HDAC9: variants seen among roughly 807,000 people sequenced by gnomAD.
HDAC9 encodes the protein MEF-2 interacting transcription repressor (MITR) protein.
In HDAC9, 41 loss-of-function variants were observed where a neutral mutation model predicts 139.4. The ratio of observed to expected loss-of-function variants is 0.29; its 90% CI spans 0.23 to 0.38. The LOEUF (loss-of-function observed/expected upper bound fraction) is 0.38, where lower values mean the gene tolerates loss of function less well. HDAC9 is among the 10% of genes least tolerant of loss of function. The probability of loss-of-function intolerance (pLI) is 1.00; values close to 1 mark genes in which losing one functional copy is unlikely to be tolerated. For synonymous variants in HDAC9, 517 were observed against 476.2 expected (o/e 1.09, Z -1.12); for missense variants, 1,147 against 1,297.0 (o/e 0.88, Z 1.78).
rs1364632945 is a variant in HDAC9, at chr7:18,629,118, T to A, written c.665-232T>A. ...CTTATATTTTTGTTTACTTTTTACT[T>A]TCATATTTAGAGAAGTTGAAAAAAG... is the stretch of plus-strand genomic sequence containing the variant. On this transcript the variant is annotated intron_variant, in intron 6 of 25. Coordinates refer to ENST00000686413, the MANE Select transcript of HDAC9 (RefSeq NM_178425.4). Among the ~76,000 whole-genome samples the A allele has an allele frequency of 2.0e-5, 3 of 152,170 alleles. No homozygotes were observed. In the East Asian group the frequency reaches 5.8e-4, roughly 29 times the overall value.
At chr7:18,942,924 C>A (rs952267275) in intron 23 of HDAC9, among the ~76,000 whole-genome samples, 1 of 151,506 alleles carries the variant, frequency 6.6e-6, no homozygotes, top group African/African-American at 2.4e-5. Flanking sequence ...GAGTATCATA[C>A]AAAATCTCTT....
chr7:18,895,608 T>C (rs1385675547), intron 22 of HDAC9, among the ~76,000 whole-genome samples: 1 of 152,158 alleles, frequency 6.6e-6, no homozygotes, highest in East Asian at 1.9e-4. Context: ...AGTGTACTCC[T>C]CCTTTGAATA....
intron 17 of HDAC9, among the ~76,000 whole-genome samples, chr7:18,804,998 G>A (rs59461441): frequency 0.046 from 6,933 of 152,212 alleles, 185 homozygotes; most frequent in African/African-American, 0.075. Context: ...GTTTTGCCAC[G>A]TTGCCCAGGC....
intron 1 of HDAC9, among the ~76,000 whole-genome samples, chr7:18,329,522 G>A (rs1401160758): frequency 6.7e-6 from 1 of 150,146 alleles, no homozygotes; most frequent in Non-Finnish European, 1.5e-5. Flanking sequence ...TGGAATAATT[G>A]TCGATTAGTA....
intron 2 of HDAC9, among the ~76,000 whole-genome samples, chr7:18,504,851 G>C (rs1342166712): frequency 6.6e-6 from 1 of 152,138 alleles, no homozygotes; most frequent in Non-Finnish European, 1.5e-5. Context: ...GAAATGGCAG[G>C]GTCGTGTTTA....
In HDAC9 at chr7:19,000,002, T is replaced by C. The variant is rs1283035448; in HGVS notation, c.*3940T>C. On this transcript the variant is annotated 3_prime_UTR_variant, in exon 26 of 26. Transcript: ENST00000686413. ...TTTCCTGCTTCAGGAATGAAATCAC[T>C]TGTCCTGCTGAGAAAATAAGGGGAA... 1 of 152,162 alleles carries C rather than the reference T, an allele frequency of 6.6e-6. No individual in the cohort carries two copies. The highest frequency in any genetic ancestry group is 1.5e-5 in the Non-Finnish European group (1 of 68,036). 9.4% of individuals were successfully genotyped at this position (152,162 alleles called of 1,614,324 possible). A position where few individuals can be genotyped will look rare whatever the true frequency, so the allele number is the denominator to read the frequency against.
At chr7:18,709,231 G>A (rs1268493373) in intron 12 of HDAC9, among the ~76,000 whole-genome samples, 1 of 152,024 alleles carries the variant, frequency 6.6e-6, no homozygotes, top group Non-Finnish European at 1.5e-5. Context: ...TGTGTGTATT[G>A]TTCCCCTCTC....
chr7:18,305,823 C>T (rs1261458104), intron 1 of HDAC9, among the ~76,000 whole-genome samples: 1 of 151,896 alleles, frequency 6.6e-6, no homozygotes, highest in Non-Finnish European at 1.5e-5. Flanking sequence ...GAACTTGGTA[C>T]AGTGGCCTGG....
rs1383204907 is a variant in HDAC9, at chr7:19,000,220, T to C, written c.*4158T>C. ...TCCAAAGGCCACTATTGTAGTACAGTCTCCAGCAGGATTTTGTACCATGTG... is the reference window on the plus strand; with the variant it reads ...TCCAAAGGCCACTATTGTAGTACAGCCTCCAGCAGGATTTTGTACCATGTG... On this transcript the variant is annotated 3_prime_UTR_variant, in exon 26 of 26. Transcript: ENST00000686413. 6.6e-6 allele frequency: 1 copy of C among 152,212 alleles called. No homozygotes were observed. The highest frequency in any genetic ancestry group is 2.4e-5 in the African/African-American group (1 of 41,452). 9.4% of individuals were successfully genotyped at this position (152,212 alleles called of 1,614,324 possible).
At chr7:18,113,512 C>G (rs1011716793) in intron 1 of HDAC9, among the ~76,000 whole-genome samples, 5 of 152,192 alleles carry the variant, frequency 3.3e-5, no homozygotes, top group Non-Finnish European at 7.3e-5. Context: ...TTGAGGTTGA[C>G]TAAACTACAT....
chr7:18,569,830 T>C (rs932290060), intron 2 of HDAC9, among the ~76,000 whole-genome samples: 1 of 152,096 alleles, frequency 6.6e-6, no homozygotes. Context: ...TGGCCAGTAA[T>C]TGTCTTTTAT....
At chr7:18,760,950 G>T (rs1562921554) in intron 14 of HDAC9, among the ~76,000 whole-genome samples, 1 of 152,218 alleles carries the variant, frequency 6.6e-6, no homozygotes, top group East Asian at 1.9e-4. Context: ...TGAGAGAGGT[G>T]TTGTCACCTG....
chr7:18,252,021 T>A (rs192262988), intron 2 of HDAC9, among the ~76,000 whole-genome samples: 44 of 152,278 alleles, frequency 2.9e-4, no homozygotes, highest in African/African-American at 9.1e-4. Context: ...ATGCAAATAA[T>A]TACAAATAGC....
At chr7:18,860,471 C>T (rs1453820468) in intron 21 of HDAC9, among the ~76,000 whole-genome samples, 1 of 152,182 alleles carries the variant, frequency 6.6e-6, no homozygotes, top group Non-Finnish European at 1.5e-5. Flanking sequence ...TTCTGCCTCT[C>T]TTGCCTAAAC....
intron 1 of HDAC9, among the ~76,000 whole-genome samples, chr7:18,478,459 C>T (rs1795299073): frequency 6.6e-6 from 1 of 152,158 alleles, no homozygotes; most frequent in Admixed American, 6.5e-5. Flanking sequence ...TTAGCTCATT[C>T]CTTTTATGTT....
chr7:18,236,714 T>A (rs1447327527), intron 2 of HDAC9, among the ~76,000 whole-genome samples: 1 of 152,106 alleles, frequency 6.6e-6, no homozygotes, highest in East Asian at 1.9e-4. Flanking sequence ...GTTCATACAC[T>A]TGGCCGAATT....
chr7:18,762,056 A>G (rs1023299773), intron 14 of HDAC9, 101 bp from the exon 15 acceptor site: 1 of 1,259,742 alleles, frequency 7.9e-7, no homozygotes, highest in African/African-American at 1.5e-5. Context: ...CTACATGATG[A>G]AATTCAGCCC....
intron 2 of HDAC9, among the ~76,000 whole-genome samples, chr7:18,268,476 G>A (rs963929703): frequency 6.9e-6 from 1 of 144,964 alleles, no homozygotes; most frequent in Non-Finnish European, 1.5e-5. Context: ...GTGCCAGAGA[G>A]GTTGCAAGAA....
intron 1 of HDAC9, among the ~76,000 whole-genome samples, chr7:18,305,445 A>G (rs1490609039): frequency 3.9e-5 from 6 of 152,214 alleles, no homozygotes; most frequent in African/African-American, 1.2e-4. Context: ...GAAAATGAAA[A>G]CATGTTCTGG....
Sources: allele counts gnomAD v4.1 joint callset (sites outside exome capture counted in the v4.1 genomes callset), GRCh38; gene constraint gnomAD v4.1.1; transcripts MANE v1.5; gene names NCBI Gene and HGNC (gene_info 2026-07-23, HGNC 2026-07-21).